CLCN5: variants seen among roughly 807,000 people sequenced by gnomAD.
CLCN5 encodes the protein Cl-/H+ antiporter 5.
A neutral mutation model predicts 54.0 loss-of-function variants in CLCN5; 17 were observed. The ratio of observed to expected loss-of-function variants is 0.31; its 90% CI spans 0.22 to 0.47. The LOEUF (loss-of-function observed/expected upper bound fraction) is 0.47, where lower values mean the gene tolerates loss of function less well. Among genes scored for constraint, CLCN5 ranks in the 20% least tolerant of loss-of-function variants. The pLI, the probability that CLCN5 is intolerant of heterozygous loss-of-function variation, is 1.00. For synonymous variants in CLCN5, 222 were observed against 233.0 expected, an observed-to-expected ratio of 0.95 and a Z score of 0.43; for missense variants, 448 against 646.7, an observed-to-expected ratio of 0.69 and a Z score of 3.33.
chrX:50,066,785 C>T (rs1172437110), intron 4 of CLCN5, among the ~76,000 whole-genome samples: 1 of 112,176 alleles, frequency 8.9e-6, no homozygotes, highest in Non-Finnish European at 1.9e-5. Flanking sequence ...TAGAGCATTA[C>T]TACTCAGAAA....
At chrX:50,086,891 T>C (rs1557194096) in intron 11 of CLCN5, 21 bp downstream of exon 11, 1 of 1,197,949 alleles carries the variant, frequency 8.3e-7, no homozygotes, top group South Asian at 1.8e-5. Context: ...CTTTTGGGAC[T>C]CAGTGGCTGC....
chrX:50,003,584 G>A (rs781868753), intron 3 of CLCN5: 2 of 363,601 alleles, frequency 5.5e-6, no homozygotes, highest in Non-Finnish European at 1.1e-5. Context: ...GCAGGATGGC[G>A]AGCCTCAGCT....
rs1933714395 is a variant in CLCN5, at chrX:50,081,808, C to T, written c.894C>T (p.Cys298=). 8.3e-7 allele frequency: 1 copy of T among 1,209,547 alleles called. No homozygotes were observed. Among genetic ancestry groups the T allele is most frequent in the Non-Finnish European group, 1.1e-6 (1 of 895,036 alleles). ...GCTGTGGGAACATCCTGTGCCACTG[C>T]TTCAACAAATACAGGAAGAATGAAG... ...ACCCGNILCH[C]FNKYRKNEAK... Residue 298 remains cysteine, a synonymous_variant, in exon 9 of 15, where the codon TGC becomes TGT. Transcript: ENST00000376091.
chrX:50,025,659 CT>C (rs1931339012), intron 3 of CLCN5, among the ~76,000 whole-genome samples: 1 of 111,439 alleles, frequency 9.0e-6, no homozygotes, highest in Non-Finnish European at 1.9e-5. Flanking sequence ...CTTACTTACT[CT>C]TTCCATCTAT....
chrX:50,007,976 T>C (rs1399415729), intron 3 of CLCN5, among the ~76,000 whole-genome samples: 1 of 112,129 alleles, frequency 8.9e-6, no homozygotes, highest in Non-Finnish European at 1.9e-5. Flanking sequence ...TCTCCCAGTG[T>C]AGTCCCTGGA....
intron 3 of CLCN5, among the ~76,000 whole-genome samples, chrX:50,007,500 C>T (rs1205635379): frequency 1.9e-5 from 2 of 104,224 alleles, no homozygotes; most frequent in African/African-American, 7.0e-5. Flanking sequence ...CTGATGTTTT[C>T]CTTCATATCC....
At chrX:49,988,005 C>T (rs1320381480) in intron 3 of CLCN5, among the ~76,000 whole-genome samples, 1 of 111,360 alleles carries the variant, frequency 9.0e-6, no homozygotes, top group East Asian at 2.8e-4. Flanking sequence ...GGCCCCCTGA[C>T]ACTGCCGAAA....
In CLCN5 at chrX:49,925,224, C is replaced by G; in HGVS notation, c.-75C>G. 1 of 1,091,271 alleles carries G rather than the reference C, an allele frequency of 9.2e-7. No homozygotes were observed. Among genetic ancestry groups the G allele is most frequent in the South Asian group, 1.8e-5 (1 of 54,173 alleles). The allele number at this position is 1,091,271 out of a possible 1,213,427, so 89.9% of individuals were successfully genotyped here. A position where few individuals can be genotyped will look rare whatever the true frequency, so the allele number is the denominator to read the frequency against. The stretch of plus-strand genomic sequence containing the variant: ...CAGGGCCACATAGCTGCCTTTCTAT[C>G]AAGTCTCCCTACAAAACTGAGAGGC... On this transcript the variant is annotated 5_prime_UTR_variant, in exon 3 of 15. The change creates a new upstream start codon in the 5' untranslated region. Coordinates refer to ENST00000376091, the MANE Select transcript of CLCN5 (RefSeq NM_001127898.4).
At chrX:50,058,179 C>T (rs1557189339) in intron 4 of CLCN5, among the ~76,000 whole-genome samples, 1 of 111,532 alleles carries the variant, frequency 9.0e-6, no homozygotes, top group East Asian at 2.8e-4. Context: ...ATACCAATAG[C>T]CCTGCCCCAT....
rs781869618 is a variant in CLCN5 at position 50,060,147 on chromosome X, G to T, written c.164-9732G>T. Among the ~76,000 whole-genome samples, 9 of 109,922 alleles carry T rather than the reference G, an allele frequency of 8.2e-5. No homozygotes were observed. In the South Asian group the frequency reaches 3.6e-3, roughly 45 times the overall value. The stretch of plus-strand genomic sequence containing the variant: ...TTAATGGAATAAGACAGTCACGGGG[G>T]GAGGAGCCAAGATGGCCGAATAGGA... On this transcript the variant is annotated intron_variant, in intron 4 of 14. Transcript: ENST00000376091.
chrX:49,981,570 CTTATTT>C (rs1338864384), intron 3 of CLCN5, among the ~76,000 whole-genome samples: 7 of 111,049 alleles, frequency 6.3e-5, no homozygotes, highest in Non-Finnish European at 1.1e-4. Flanking sequence ...TATTTATTTA[CTTATTT>C]TTAAGTGAAG....
At chrX:49,967,536 A>G (rs1272419495) in intron 3 of CLCN5, among the ~76,000 whole-genome samples, 2 of 90,975 alleles carry the variant, frequency 2.2e-5, no homozygotes, top group Admixed American at 1.1e-4. Context: ...AATGTAATCC[A>G]GCATATAAAC....
At chrX:50,059,023 T>A (rs1932809770) in intron 4 of CLCN5, among the ~76,000 whole-genome samples, 1 of 111,794 alleles carries the variant, frequency 8.9e-6, no homozygotes, top group Admixed American at 9.5e-5. Context: ...AATGGGTAGA[T>A]CATTTCTGTT....
intron 3 of CLCN5, chrX:50,013,128 A>G (rs1055048106): frequency 5.0e-5 from 12 of 238,347 alleles, no homozygotes; most frequent in South Asian, 5.0e-4. Context: ...TTTAATCTCA[A>G]TCTGTCTCTC....
chrX:50,001,007 T>G (rs1327206726), intron 3 of CLCN5, among the ~76,000 whole-genome samples: 1 of 110,905 alleles, frequency 9.0e-6, no homozygotes, highest in Non-Finnish European at 1.9e-5. Flanking sequence ...AGCTGCTGAC[T>G]TTGCTTTCTT....
At chrX:50,034,546 C>G (rs1931898726) in intron 3 of CLCN5, among the ~76,000 whole-genome samples, 1 of 111,673 alleles carries the variant, frequency 9.0e-6, no homozygotes, top group Non-Finnish European at 1.9e-5. Flanking sequence ...TATTGTTTCT[C>G]TGTGCTTGCT....
At chrX:50,069,807 G>A in intron 4 of CLCN5, 72 bp from the exon 5 acceptor site, 1 of 1,112,572 alleles carries the variant, frequency 9.0e-7, no homozygotes, top group Non-Finnish European at 1.2e-6. Context: ...CCCGCCTTTT[G>A]GAACCAAAAA....
intron 4 of CLCN5, among the ~76,000 whole-genome samples, chrX:50,064,968 C>T: frequency 9.0e-6 from 1 of 111,270 alleles, no homozygotes; most frequent in East Asian, 2.8e-4. Flanking sequence ...ATGTAGAAAG[C>T]TGAAACTGGA....
At chrX:50,034,023 T>C (rs1013613617) in intron 3 of CLCN5, among the ~76,000 whole-genome samples, 43 of 112,143 alleles carry the variant, frequency 3.8e-4, no homozygotes, top group Non-Finnish European at 2.1e-4. Context: ...GCCTGAAATG[T>C]CTGAAATTCT....
Sources: allele counts gnomAD v4.1 joint callset (sites outside exome capture counted in the v4.1 genomes callset), GRCh38; gene constraint gnomAD v4.1.1; transcripts MANE v1.5; gene names NCBI Gene and HGNC (gene_info 2026-07-23, HGNC 2026-07-21).